Variants in ARHGEF37 observed in about 807,000 individuals in gnomAD.
ARHGEF37 encodes the protein Rho guanine nucleotide exchange factor 37.
ARHGEF37 carries 55 observed loss-of-function variants against 71.1 expected under a neutral mutation model. The observed-to-expected ratio is 0.77, with a 90% CI of 0.62 to 0.97. The LOEUF (loss-of-function observed/expected upper bound fraction) is 0.97, where lower values mean the gene tolerates loss of function less well. Ranked by LOEUF, ARHGEF37 falls within the 50% of genes least tolerant of loss-of-function variation. The pLI, the probability that ARHGEF37 is intolerant of heterozygous loss-of-function variation, is 0.00. For synonymous variants in ARHGEF37, 327 were observed against 350.6 expected, an observed-to-expected ratio of 0.93 and a Z score of 0.75; for missense variants, 765 against 836.8, an observed-to-expected ratio of 0.91 and a Z score of 1.06.
At chr5:149,575,030 G>C (rs1763010071) in intron 1 of ARHGEF37, among the ~76,000 whole-genome samples, 1 of 152,032 alleles carries the variant, frequency 6.6e-6, no homozygotes, top group African/African-American at 2.4e-5. Context: ...TTCTTCAATG[G>C]CTCCCCCATT....
chr5:149,580,441 C>A (rs1466863703), upstream of ARHGEF37, among the ~76,000 whole-genome samples: 1 of 152,116 alleles, frequency 6.6e-6, no homozygotes, highest in African/African-American at 2.4e-5. Flanking sequence ...AGAGGAGACA[C>A]TTTTCTGGTT....
intron 1 of ARHGEF37, among the ~76,000 whole-genome samples, chr5:149,567,414 T>G (rs1397648249): frequency 6.6e-6 from 1 of 151,560 alleles, no homozygotes; most frequent in Non-Finnish European, 1.5e-5. Flanking sequence ...CCATTTCCCC[T>G]TTGTTTGTTA....
At chr5:149,593,344 A>C (rs1428667640) in intron 1 of ARHGEF37, among the ~76,000 whole-genome samples, 1 of 152,228 alleles carries the variant, frequency 6.6e-6, no homozygotes, top group Non-Finnish European at 1.5e-5. Context: ...AGCCTTAGGC[A>C]ATTGCCAATC....
At chr5:149,619,733 G>A (rs781131740) in intron 7 of ARHGEF37, among the ~76,000 whole-genome samples, 2 of 152,160 alleles carry the variant, frequency 1.3e-5, no homozygotes, top group Non-Finnish European at 2.9e-5. Context: ...GGAAAAGTTA[G>A]AGAAAAGTAT....
intron 1 of ARHGEF37, among the ~76,000 whole-genome samples, chr5:149,593,217 A>C (rs1183565729): frequency 6.6e-6 from 1 of 152,236 alleles, no homozygotes; most frequent in Non-Finnish European, 1.5e-5. Flanking sequence ...GTACAAATCA[A>C]TAGTTTCTAG....
At chr5:149,558,265 T>G (rs1235886381) in intron 1 of ARHGEF37, among the ~76,000 whole-genome samples, 1 of 152,126 alleles carries the variant, frequency 6.6e-6, no homozygotes, top group Non-Finnish European at 1.5e-5. Context: ...CCCAGCACTT[T>G]GGGAGGCTGA....
intron 1 of ARHGEF37, among the ~76,000 whole-genome samples, chr5:149,558,766 T>G (rs1270614983): frequency 2.0e-5 from 3 of 151,712 alleles, no homozygotes; most frequent in Non-Finnish European, 4.4e-5. Context: ...TATAAAATAT[T>G]TACTGTTCCT....
upstream of ARHGEF37, among the ~76,000 whole-genome samples, chr5:149,581,311 ATCC>A (rs1358793031): frequency 6.6e-6 from 1 of 152,166 alleles, no homozygotes; most frequent in Non-Finnish European, 1.5e-5. Flanking sequence ...TCCGCCTGCA[ATCC>A]TTCGGGTTGG....
rs1752596293 is a variant in ARHGEF37, at chr5:149,623,408, C to G, written c.1336-604C>G. On this transcript the variant is annotated intron_variant, in intron 9 of 12. Transcript: ENST00000333677. ...AGACACTCTGCAAATTGAATTAGGC[C>G]TGAACCATCAGTAAAAGAACTGTCT... Among the ~76,000 whole-genome samples the G allele has an allele frequency of 2.0e-5, 3 of 152,178 alleles. No homozygotes were observed. The East Asian group carries it at 5.8e-4, about 29-fold the overall frequency.
chr5:149,591,192 C>A (rs1162019643), intron 1 of ARHGEF37, among the ~76,000 whole-genome samples: 1 of 150,936 alleles, frequency 6.6e-6, no homozygotes, highest in Non-Finnish European at 1.5e-5. Flanking sequence ...CCTGCCTCAG[C>A]CTCCTGAGGA....
rs1181347832 is a variant in ARHGEF37 at position 149,613,765 on chromosome 5, T to C, written c.459-2802T>C. Among the ~76,000 whole-genome samples the C allele has an allele frequency of 6.9e-5, 5 of 72,786 alleles. No individual in the cohort carries two copies. In the South Asian group the frequency reaches 3.0e-3, roughly 44 times the overall value. 47.8% of individuals were successfully genotyped at this position (72,786 alleles called of 152,430 possible). A position where few individuals can be genotyped will look rare whatever the true frequency, so the allele number is the denominator to read the frequency against. ...ATATTGATATTTCTACAGTGTTTTC[T>C]TTTTTTTTTTTTTTTTGAGACAAGG... is the stretch of plus-strand genomic sequence containing the variant. On this transcript the variant is annotated intron_variant, in intron 4 of 12. Transcript: ENST00000333677.
At position 149,622,073 on chromosome 5, in the gene ARHGEF37, TG is replaced by T; in HGVS notation, c.1335+12del. 8 of 1,593,204 alleles carry T rather than the reference TG, an allele frequency of 5.0e-6. No homozygotes were observed. The highest frequency in any genetic ancestry group is 6.8e-6 in the Non-Finnish European group (8 of 1,168,928). ...GGAAGCATGGCCCAGGTAAGGCCTC[TG>T]AGACTTGGACACCTGTGGGGAGTAG... is the stretch of plus-strand genomic sequence containing the variant. On this transcript the variant is annotated intron_variant, in intron 9 of 12. Transcript: ENST00000333677.
At chr5:149,601,057 A>C (rs1430527660) in intron 2 of ARHGEF37, 51 bp from the exon 3 acceptor site, 1 of 1,584,088 alleles carries the variant, frequency 6.3e-7, no homozygotes, top group Non-Finnish European at 8.6e-7. Context: ...GCCTGCAAAT[A>C]CATTCTATGG....
At chr5:149,611,138 G>A (rs570215484) in intron 4 of ARHGEF37, among the ~76,000 whole-genome samples, 1 of 152,292 alleles carries the variant, frequency 6.6e-6, no homozygotes, top group African/African-American at 2.4e-5. Context: ...GCTGTGGGGA[G>A]GGCTTGGCAT....
intron 3 of ARHGEF37, among the ~76,000 whole-genome samples, chr5:149,604,948 TG>T (rs1763875052): frequency 6.6e-6 from 1 of 150,858 alleles, no homozygotes; most frequent in South Asian, 2.2e-4. Context: ...TTTGGGAGAC[TG>T]GGCATGGTGG....
chr5:149,621,217 C>T (rs1752528608), intron 8 of ARHGEF37, among the ~76,000 whole-genome samples: 1 of 152,104 alleles, frequency 6.6e-6, no homozygotes. Context: ...AATCCCAGCA[C>T]TTTGGGAGGC....
In ARHGEF37 at chr5:149,597,934, C is replaced by T. The variant is rs749934828; in HGVS notation, c.165C>T (p.Asp55=). The change falls in exon 2 of 13, where the codon GAC becomes GAT. Residue 55 remains aspartate, a synonymous_variant. Coordinates refer to ENST00000333677, the MANE Select transcript of ARHGEF37 (RefSeq NM_001001669.3). ...ACATGCTCCAGCTCTGTGCCTCTGA[C>T]ATCAGGAGCCGCCTCCAGCAGGTAC... ...YLHMLQLCAS[D]IRSRLQQLPQ... The T allele has an allele frequency of 1.8e-5, 29 of 1,596,362 alleles. No individual in the cohort carries two copies. The highest frequency in any genetic ancestry group is 1.7e-4 in the Middle Eastern group (1 of 6,040).
chr5:149,611,990 T>C (rs1580921213), intron 4 of ARHGEF37, among the ~76,000 whole-genome samples: 2 of 152,196 alleles, frequency 1.3e-5, no homozygotes, highest in South Asian at 4.1e-4. Context: ...GTGCATATGC[T>C]TGGACACCAC....
intron 1 of ARHGEF37, among the ~76,000 whole-genome samples, chr5:149,593,636 A>T (rs1157930251): frequency 6.6e-6 from 1 of 152,256 alleles, no homozygotes. Flanking sequence ...TAACATAAAC[A>T]GTTGATTAAC....
Sources: allele counts gnomAD v4.1 joint callset (sites outside exome capture counted in the v4.1 genomes callset), GRCh38; gene constraint gnomAD v4.1.1; transcripts MANE v1.5; gene names NCBI Gene and HGNC (gene_info 2026-07-23, HGNC 2026-07-21).